The following TRAPPC3 variants were observed in gnomAD, a reference collection of about 807,000 sequenced individuals.
TRAPPC3 encodes the protein trafficking protein particle complex 3.
Under a neutral mutation model 18.2 loss-of-function variants are expected in TRAPPC3, and 5 were observed. The ratio of observed to expected loss-of-function variants is 0.28; its 90% CI spans 0.14 to 0.58. The LOEUF (loss-of-function observed/expected upper bound fraction) is 0.58, where lower values mean the gene tolerates loss of function less well. Among genes scored for constraint, TRAPPC3 ranks in the 20% least tolerant of loss-of-function variants. TRAPPC3 has a pLI of 0.91. For synonymous variants in TRAPPC3, 65 were observed against 84.2 expected, an observed-to-expected ratio of 0.77 and a Z score of 1.25; for missense variants, 176 against 225.9, an observed-to-expected ratio of 0.78 and a Z score of 1.41.
chr1:36,151,079 C>T (rs1036883458), upstream of TRAPPC3, among the ~76,000 whole-genome samples: 2 of 152,180 alleles, frequency 1.3e-5, no homozygotes, highest in African/African-American at 2.4e-5. Flanking sequence ...CAACAGCCTC[C>T]GAGATTTTGC....
In TRAPPC3 at chr1:36,140,130, C is replaced by T; in HGVS notation, c.79G>A (p.Val27Ile). Residue 27 changes from valine (V) to isoleucine (I), a missense_variant, in exon 2 of 5, where the codon GTC (valine) becomes ATC (isoleucine). By Grantham distance (29) the Val-to-Ile change is conservative. Coordinates refer to ENST00000373166, the MANE Select transcript of TRAPPC3 (RefSeq NM_014408.5). Reference sequence around the variant, plus strand: ...TCATAGTCCTTACATAGCTGGGTGACCAGGGCACCATAGGTCAGGGTGAAG... The same window carrying T: ...TCATAGTCCTTACATAGCTGGGTGATCAGGGCACCATAGGTCAGGGTGAAG... Reference protein sequence around the residue: ...ELFTLTYGALVTQLCKDYEND... With the variant: ...ELFTLTYGALITQLCKDYEND... 1 of 1,605,036 alleles carries T rather than the reference C, an allele frequency of 6.2e-7. No individual in the cohort carries two copies. Among genetic ancestry groups the T allele is most frequent in the Non-Finnish European group, 8.5e-7 (1 of 1,177,444 alleles).
chr1:36,145,580 C>A (rs1317950087), intron 1 of TRAPPC3, among the ~76,000 whole-genome samples: 1 of 152,140 alleles, frequency 6.6e-6, no homozygotes, highest in Non-Finnish European at 1.5e-5. Context: ...GGGCAGGTCT[C>A]ATTGTCCATG....
chr1:36,150,378 C>G (rs1644259428), upstream of TRAPPC3, among the ~76,000 whole-genome samples: 1 of 152,244 alleles, frequency 6.6e-6, no homozygotes, highest in Non-Finnish European at 1.5e-5. Context: ...TCACCCATCA[C>G]CAAGGGGAAG....
rs1644080061 is a variant in TRAPPC3, at chr1:36,139,745, C to T, written c.215G>A (p.Arg72Gln). The change falls in exon 3 of 5, where the codon CGG becomes CAG. Residue 72 changes from arginine to glutamine, a missense_variant. Transcript: ENST00000373166. Reference protein sequence around the residue: ...RSNVGRCHDFRETADVIAKVA... With the variant: ...RSNVGRCHDFQETADVIAKVA... ...CTTGGCAATGACATCCGCAGTTTCC[C>T]GAAAGTCATGGCACCTCCCAACATT... 6.2e-7 allele frequency: 1 copy of T among 1,614,044 alleles called. No individual in the cohort carries two copies. Among genetic ancestry groups the T allele is most frequent in the Non-Finnish European group, 8.5e-7 (1 of 1,180,010 alleles).
intron 1 of TRAPPC3, among the ~76,000 whole-genome samples, chr1:36,148,411 A>T (rs1420100680): frequency 6.6e-6 from 1 of 152,202 alleles, no homozygotes; most frequent in Admixed American, 6.5e-5. Context: ...CCTGGCCAAC[A>T]TGGTGAAACC....
In TRAPPC3 at chr1:36,137,213, C is replaced by G. The variant is rs1158904093; in HGVS notation, c.533G>C (p.Gly178Ala). ...GAGTTGTAGGGATGGTTATTCCTCTCCAGCTGGAAGATTGTCCTCAATCCG... is the reference window on the plus strand; with the variant it reads ...GAGTTGTAGGGATGGTTATTCCTCTGCAGCTGGAAGATTGTCCTCAATCCG... ...IRRIEDNLPA[G>A]EE The change falls in exon 5 of 5, where the codon GGA becomes GCA. Residue 178 changes from glycine to alanine, a missense_variant. Around this residue, in one of 2 missense-constraint regions of TRAPPC3, gnomAD observed 29 missense variants for 61.5 expected, o/e 0.47. Coordinates refer to ENST00000373166, the MANE Select transcript of TRAPPC3 (RefSeq NM_014408.5). 1 of 1,609,790 alleles carries G rather than the reference C, an allele frequency of 6.2e-7. No individual in the cohort carries two copies. The highest frequency in any genetic ancestry group is 8.5e-7 in the Non-Finnish European group (1 of 1,176,456).
Position 36,139,707 on chromosome 1 carries a change from C to G in TRAPPC3, c.240+13G>C. 1.2e-6 allele frequency: 2 copies of G among 1,613,916 alleles called. No individual in the cohort carries two copies. Among genetic ancestry groups the G allele is most frequent in the Non-Finnish European group, 1.7e-6 (2 of 1,179,958 alleles). ...CAATTCTTCAGCATGGACAGGTGGC[C>G]CAGAATAATGACCTTGGCAATGACA... On this transcript the variant is annotated intron_variant, in intron 3 of 4. Transcript: ENST00000373166.
At chr1:36,143,066 A>G (rs373367123) in intron 1 of TRAPPC3, among the ~76,000 whole-genome samples, 1 of 152,168 alleles carries the variant, frequency 6.6e-6, no homozygotes, top group African/African-American at 2.4e-5. Flanking sequence ...TAAACAAATA[A>G]AATAGGAATG....
chr1:36,146,446 G>A (rs1570100053), intron 1 of TRAPPC3, among the ~76,000 whole-genome samples: 2 of 151,606 alleles, frequency 1.3e-5, no homozygotes, highest in South Asian at 4.2e-4. Flanking sequence ...ACAGACGCCC[G>A]CCACCGCGAC....
At chr1:36,150,242 C>T (rs951211674), upstream of TRAPPC3, among the ~76,000 whole-genome samples, 1 of 152,214 alleles carries the variant, frequency 6.6e-6, no homozygotes, top group African/African-American at 2.4e-5. Flanking sequence ...ACTGGTGAGC[C>T]ACGCATGCCC....
chr1:36,154,689 G>A (rs991148687), intron 1 of TRAPPC3, among the ~76,000 whole-genome samples: 1 of 152,194 alleles, frequency 6.6e-6, no homozygotes, highest in Non-Finnish European at 1.5e-5. Context: ...CTTCCTAGAT[G>A]CCAGGTTCTG....
At chr1:36,144,329 A>G (rs1234064597) in intron 1 of TRAPPC3, among the ~76,000 whole-genome samples, 1 of 150,730 alleles carries the variant, frequency 6.6e-6, no homozygotes, top group Non-Finnish European at 1.5e-5. Context: ...AGTCATAAAG[A>G]AAGAAGATTT....
At chr1:36,143,343 G>T (rs1644144513) in intron 1 of TRAPPC3, among the ~76,000 whole-genome samples, 1 of 152,142 alleles carries the variant, frequency 6.6e-6, no homozygotes, top group Non-Finnish European at 1.5e-5. Context: ...ATAGATAGCT[G>T]GTCTAGAAAA....
At chr1:36,152,871 C>T (rs1218238873), upstream of TRAPPC3, among the ~76,000 whole-genome samples, 4 of 151,966 alleles carry the variant, frequency 2.6e-5, no homozygotes, top group Admixed American at 6.6e-5. Context: ...AGGCTGGTCT[C>T]GAACTCCTGA....
chr1:36,144,610 C>T (rs1644166841), intron 1 of TRAPPC3, among the ~76,000 whole-genome samples: 1 of 152,198 alleles, frequency 6.6e-6, no homozygotes, highest in African/African-American at 2.4e-5. Flanking sequence ...ATTGTGATTA[C>T]ACCACTGCAT....
exon 1 of TRAPPC3, chr1:36,156,026 G>C (rs1011198708): frequency 5.6e-6 from 1 of 179,778 alleles, no homozygotes; most frequent in African/African-American, 2.4e-5. Flanking sequence ...GCTCCGGGGC[G>C]GGGGCGGCGC....
chr1:36,147,214 T>C (rs1260227017), intron 1 of TRAPPC3, among the ~76,000 whole-genome samples: 1 of 151,990 alleles, frequency 6.6e-6, no homozygotes, highest in Non-Finnish European at 1.5e-5. Flanking sequence ...TCCTAGCTAC[T>C]CGGGAGGCTG....
In TRAPPC3 at chr1:36,140,093, T is replaced by G; in HGVS notation, c.116A>C (p.Asp39Ala). 1.2e-6 allele frequency: 2 copies of G among 1,604,058 alleles called. No homozygotes were observed. Among genetic ancestry groups the G allele is most frequent in the Non-Finnish European group, 1.7e-6 (2 of 1,176,912 alleles). Residue 39 changes from aspartate (D) to alanine (A), a missense_variant, in exon 2 of 5, where the codon GAT (aspartate) becomes GCT (alanine). Asp to Ala is a moderately radical substitution (Grantham distance 126). Around this residue, in one of 2 missense-constraint regions of TRAPPC3, gnomAD observed 147 missense variants for 164.3 expected, o/e 0.89. Coordinates refer to ENST00000373166, the MANE Select transcript of TRAPPC3 (RefSeq NM_014408.5). ...CATTTTGTCCAGCTGTTTATTCACA[T>G]CTTCATCATTTTCATAGTCCTTACA... Reference protein sequence around the residue: ...QLCKDYENDEDVNKQLDKMGF... With the variant: ...QLCKDYENDEAVNKQLDKMGF...
chr1:36,140,719 C>T (rs1307440633), intron 1 of TRAPPC3: 2 of 152,314 alleles, frequency 1.3e-5, no homozygotes, highest in Non-Finnish European at 2.9e-5. Context: ...TGATGACAAC[C>T]CCTTTCCAAA....
Sources: gnomAD v4.1 joint callset for allele counts (sites outside exome capture counted in the v4.1 genomes callset) on GRCh38, gnomAD v4.1.1 for gene constraint, gnomAD v4.1.1 regional missense constraint, MANE v1.5 for transcripts, NCBI Gene and HGNC (gene_info 2026-07-23, HGNC 2026-07-21) for gene names.